Variants in ARHGEF18 observed in about 807,000 individuals in gnomAD.
ARHGEF18 encodes rho guanine nucleotide exchange factor 18.
ARHGEF18 carries 93 observed loss-of-function variants against 155.7 expected under a neutral mutation model. The observed-to-expected ratio is 0.60, with a 90% CI of 0.50 to 0.71. ARHGEF18 has a LOEUF of 0.71. ARHGEF18 is among the 30% of genes least tolerant of loss of function. The probability of loss-of-function intolerance (pLI) is 0.00; values close to 1 mark genes in which losing one functional copy is unlikely to be tolerated. For synonymous variants in ARHGEF18, 742 were observed against 753.1 expected, an observed-to-expected ratio of 0.99 and a Z score of 0.24; for missense variants, 1,593 against 1,816.1, an observed-to-expected ratio of 0.88 and a Z score of 2.23.
At chr19:7,396,663 C>T (rs1212256262) in intron 10 of ARHGEF18, among the ~76,000 whole-genome samples, 2 of 151,438 alleles carry the variant, frequency 1.3e-5, no homozygotes, top group East Asian at 1.9e-4. Context: ...TGCAGTGAGC[C>T]GCGATCGGGC....
At chr19:7,461,569 GA>G (rs1478277832) in intron 20 of ARHGEF18, among the ~76,000 whole-genome samples, 1 of 152,140 alleles carries the variant, frequency 6.6e-6, no homozygotes, top group Non-Finnish European at 1.5e-5. Flanking sequence ...AGGAAGGAAA[GA>G]AAGAAAGGGA....
intron 1 of ARHGEF18, among the ~76,000 whole-genome samples, chr19:7,358,687 A>G (rs1969425286): frequency 6.6e-6 from 1 of 152,182 alleles, no homozygotes. Context: ...TTGAATTCAG[A>G]AACATCTGAA....
chr19:7,475,934 CGTG>C (rs1307974946), downstream of ARHGEF18, among the ~76,000 whole-genome samples: 13 of 152,216 alleles, frequency 8.5e-5, no homozygotes, highest in Admixed American at 3.9e-4. Flanking sequence ...CTGGCCCACT[CGTG>C]AGTCCTGGGC....
At chr19:7,403,452 C>G (rs1972123735) in intron 10 of ARHGEF18, among the ~76,000 whole-genome samples, 1 of 152,120 alleles carries the variant, frequency 6.6e-6, no homozygotes, top group Admixed American at 6.6e-5. Context: ...TTACAGTATA[C>G]TTGATGTATT....
intron 23 of ARHGEF18, among the ~76,000 whole-genome samples, chr19:7,465,909 C>T (rs1976577148): frequency 6.6e-6 from 1 of 152,036 alleles, no homozygotes; most frequent in East Asian, 1.9e-4. Flanking sequence ...CATGGTGAAA[C>T]CCTGTCTCTA....
chr19:7,457,286 T>TACA (rs1242238567), intron 18 of ARHGEF18, among the ~76,000 whole-genome samples: 1 of 151,844 alleles, frequency 6.6e-6, no homozygotes, highest in Non-Finnish European at 1.5e-5. Flanking sequence ...CTCCTCTTGT[T>TACA]AGAAGGATGC....
chr19:7,442,200 TC>T, intron 13 of ARHGEF18, 148 bp downstream of exon 13: 1 of 1,181,734 alleles, frequency 8.5e-7, no homozygotes, highest in Non-Finnish European at 1.2e-6. Context: ...TTTCTCTCTT[TC>T]CTTCTCTCTT....
In ARHGEF18 at chr19:7,453,499, G is replaced by A. The variant is rs1568352288; in HGVS notation, c.1888G>A (p.Ala630Thr). The A allele has an allele frequency of 6.2e-7, 1 of 1,612,414 alleles. No homozygotes were observed. Among genetic ancestry groups the A allele is most frequent in the African/African-American group, 1.3e-5 (1 of 74,904 alleles). The change falls in exon 17 of 29, where the codon GCC (alanine) becomes ACC (threonine). Residue 630 changes from alanine (A) to threonine (T), a missense_variant. Physicochemically the swap from Ala to Thr is moderately conservative, Grantham distance 58 (BLOSUM62 0). Transcript: ENST00000668164. ...GTEDYEDLTQALNLIKDIISQ... is the reference protein window; with the variant it reads ...GTEDYEDLTQTLNLIKDIISQ... The stretch of plus-strand genomic sequence containing the variant: ...TGAGGACTATGAAGACCTGACCCAG[G>A]CCTTGAACCTCATCAAAGATATCAT...
At chr19:7,403,997 G>A (rs914156998) in intron 10 of ARHGEF18, among the ~76,000 whole-genome samples, 3 of 151,544 alleles carry the variant, frequency 2.0e-5, no homozygotes, top group Admixed American at 6.6e-5. Context: ...CCCGGGAGGC[G>A]GCGGAGGTTG....
chr19:7,395,299 C>T lies in ARHGEF18; in HGVS notation c.967+12096C>T. 3.0e-6 allele frequency: 3 copies of T among 985,760 alleles called. No individual in the cohort carries two copies. Among genetic ancestry groups the T allele is most frequent in the Non-Finnish European group, 3.6e-6 (3 of 830,228 alleles). The allele number at this position is 985,760 out of a possible 1,614,324, so 61.1% of individuals were successfully genotyped here. ...AGGAAAACGGGGCTCAGGAGGGGGC[C>T]CTCGGTCTCTTCAGGGGGTGGCCTG... On this transcript the variant is annotated intron_variant, in intron 10 of 28. Coordinates refer to ENST00000668164, the MANE Select transcript of ARHGEF18 (RefSeq NM_001367823.1). This position sits in a 1 kb window ranked among gnomAD's most constrained non-coding sequence, Gnocchi z 5.0.
rs754464153 is a variant in ARHGEF18, at chr19:7,468,903, G to C, written c.3559G>C (p.Val1187Leu). The change falls in exon 27 of 29, where the codon GTG becomes CTG. Residue 1187 changes from valine (V) to leucine (L), a missense_variant. By Grantham distance (32) the Val-to-Leu change is conservative (BLOSUM62 1). Coordinates refer to ENST00000668164, the MANE Select transcript of ARHGEF18 (RefSeq NM_001367823.1). ...GPRVSMLPSG[V>L]GPEYAERPEV... ...TCGTGTGAGCATGCTGCCATCCGGC[G>C]TGGGGCCAGAGTACGCAGAGCGCCC... The C allele has an allele frequency of 3.0e-5, 47 of 1,575,466 alleles. No homozygotes were observed. The Middle Eastern group carries it at 1.9e-3, about 63-fold the overall frequency.
chr19:7,374,996 G>A (rs959592270), intron 3 of ARHGEF18, among the ~76,000 whole-genome samples: 3 of 152,166 alleles, frequency 2.0e-5, no homozygotes, highest in Admixed American at 2.0e-4. Context: ...TTCAGGCCGG[G>A]TGCAGTGGCT....
At chr19:7,445,804 G>C (rs1430470131) in intron 14 of ARHGEF18, among the ~76,000 whole-genome samples, 3 of 151,984 alleles carry the variant, frequency 2.0e-5, no homozygotes, top group Non-Finnish European at 4.4e-5. Flanking sequence ...TGTATTTTTA[G>C]TAGAGACAGG....
chr19:7,386,065 G>A (rs1197341240), intron 10 of ARHGEF18, among the ~76,000 whole-genome samples: 2 of 144,660 alleles, frequency 1.4e-5, no homozygotes, highest in Non-Finnish European at 3.0e-5. Context: ...CACCCCCGGG[G>A]CTGGAGTGCA....
downstream of ARHGEF18, chr19:7,476,888 T>G: frequency 2.8e-5 from 9 of 322,664 alleles, no homozygotes; most frequent in Middle Eastern, 8.4e-4. Flanking sequence ...AGCACCACAA[T>G]GTTTAATTGA....
Position 7,462,364 on chromosome 19 carries a change from C to T in ARHGEF18, c.2635+30C>T. ...GTTGGCTGCCCACACCTCAAGGGTG[C>T]AGTCTTGCCGGGGTGGGCTCCTCAG... On this transcript the variant is annotated intron_variant, in intron 21 of 28. Transcript: ENST00000668164. The surrounding 1 kb of genome is among the most constrained non-coding windows in gnomAD (Gnocchi z 4.4). 6.5e-7 allele frequency: 1 copy of T among 1,547,322 alleles called. No homozygotes were observed. Among genetic ancestry groups the T allele is most frequent in the Non-Finnish European group, 8.7e-7 (1 of 1,149,632 alleles).
At chr19:7,350,323 C>T (rs1156237969) in intron 1 of ARHGEF18, among the ~76,000 whole-genome samples, 3 of 152,072 alleles carry the variant, frequency 2.0e-5, no homozygotes, top group Non-Finnish European at 2.9e-5. Flanking sequence ...TAGGAAGTGA[C>T]GCTGGGGGCT....
intron 10 of ARHGEF18, among the ~76,000 whole-genome samples, chr19:7,388,138 A>G (rs1600260855): frequency 6.6e-6 from 1 of 152,106 alleles, no homozygotes; most frequent in Non-Finnish European, 1.5e-5. Flanking sequence ...AACAGCGTCT[A>G]ATTTCCTGAA....
At chr19:7,366,334 C>T (rs78151490) in intron 2 of ARHGEF18, among the ~76,000 whole-genome samples, 36 of 152,322 alleles carry the variant, frequency 2.4e-4, no homozygotes, top group African/African-American at 8.4e-4. Context: ...ATGCTTTGGC[C>T]AACCAGACTC....
Sources: allele counts gnomAD v4.1 joint callset (sites outside exome capture counted in the v4.1 genomes callset), GRCh38; gene constraint gnomAD v4.1.1; non-coding constraint Gnocchi (gnomAD v3.1); transcripts MANE v1.5; gene names NCBI Gene and HGNC (gene_info 2026-07-23, HGNC 2026-07-21).